ZNF69: variants seen among roughly 807,000 people sequenced by gnomAD.
ZNF69 encodes ZNF3.
Under a neutral mutation model 50.9 loss-of-function variants are expected in ZNF69, and 47 were observed. The ratio of observed to expected loss-of-function variants is 0.92; its 90% CI spans 0.73 to 1.18. ZNF69 has a LOEUF of 1.18. ZNF69 is among the 50% of genes most tolerant of loss of function. The pLI is 0.00. For synonymous variants in ZNF69, 216 were observed against 223.1 expected, an observed-to-expected ratio of 0.97 and a Z score of 0.29; for missense variants, 717 against 675.1, an observed-to-expected ratio of 1.06 and a Z score of -0.69.
the ZNF69 span, among the ~76,000 whole-genome samples, chr19:11,931,684 A>T: frequency 2.0e-5 from 3 of 147,990 alleles, no homozygotes; most frequent in African/African-American, 7.9e-5. Context: ...CATCATAGTG[A>T]TACTTAATCT....
chr19:11,954,155 C>T, the ZNF69 span, among the ~76,000 whole-genome samples: 1 of 151,828 alleles, frequency 6.6e-6, no homozygotes, highest in South Asian at 2.1e-4. Flanking sequence ...GAATGAAGAC[C>T]CACCCAACAA....
the ZNF69 span, chr19:11,979,436 A>G: frequency 4.4e-6 from 7 of 1,607,342 alleles, no homozygotes; most frequent in Non-Finnish European, 5.1e-6. Context: ...ACACATAAGA[A>G]TACACTCTGG....
At chr19:11,970,196 A>G in the ZNF69 span, among the ~76,000 whole-genome samples, 1 of 152,246 alleles carries the variant, frequency 6.6e-6, no homozygotes, top group African/African-American at 2.4e-5. Flanking sequence ...GAGGAAAAAC[A>G]GAGATGATTC....
At chr19:11,944,920 C>T in the ZNF69 span, among the ~76,000 whole-genome samples, 1 of 152,218 alleles carries the variant, frequency 6.6e-6, no homozygotes, top group Non-Finnish European at 1.5e-5. Context: ...TGGCTCCCAG[C>T]AGCTGTGGCA....
At chr19:11,934,524 T>G in the ZNF69 span, among the ~76,000 whole-genome samples, 1 of 147,510 alleles carries the variant, frequency 6.8e-6, no homozygotes, top group Non-Finnish European at 1.5e-5. Flanking sequence ...TTTTTCTTTG[T>G]TTGTTTGTTT....
At chr19:11,932,592 G>A in the ZNF69 span, among the ~76,000 whole-genome samples, 2 of 145,024 alleles carry the variant, frequency 1.4e-5, 1 homozygote, top group Non-Finnish European at 3.0e-5. Flanking sequence ...ATCCACATCA[G>A]TATATTTTAT....
intron 3 of ZNF69, 96 bp from the exon 4 acceptor site, chr19:11,904,553 G>C: frequency 1.4e-6 from 2 of 1,479,262 alleles, no homozygotes; most frequent in Non-Finnish European, 1.8e-6. Flanking sequence ...CCTACACTTT[G>C]ATGGACAGTG....
At chr19:11,937,740 A>G in the ZNF69 span, among the ~76,000 whole-genome samples, 3 of 152,058 alleles carry the variant, frequency 2.0e-5, no homozygotes, top group African/African-American at 7.2e-5. Context: ...TGCCTGCCTC[A>G]GCCTCCCAAG....
At chr19:11,958,094 T>C in the ZNF69 span, among the ~76,000 whole-genome samples, 1 of 152,174 alleles carries the variant, frequency 6.6e-6, no homozygotes, top group East Asian at 1.9e-4. Flanking sequence ...GGATGGGGGA[T>C]TTCATGAATC....
the ZNF69 span, among the ~76,000 whole-genome samples, chr19:11,946,531 A>G: frequency 6.6e-6 from 1 of 152,260 alleles, no homozygotes; most frequent in East Asian, 1.9e-4. Flanking sequence ...TGGGGGGTCT[A>G]AAACCAGCTG....
intron 1 of ZNF69, among the ~76,000 whole-genome samples, chr19:11,892,866 A>T (rs894305810): frequency 6.6e-5 from 10 of 151,670 alleles, no homozygotes; most frequent in Middle Eastern, 3.2e-3. Context: ...TTTTGAGACA[A>T]CTCTGTGGCC....
At chr19:11,974,155 TTTCCTTCCTTCCTTCCTTCC>T in the ZNF69 span, among the ~76,000 whole-genome samples, 3 of 115,732 alleles carry the variant, frequency 2.6e-5, no homozygotes, top group African/African-American at 4.8e-5. Context: ...TCTTTCTTTC[TTTCCTTCCTTCCTTCCTTCC>T]TTCTTTCTTT....
chr19:11,901,298 T>C (rs1410575207), intron 1 of ZNF69, among the ~76,000 whole-genome samples: 1 of 152,226 alleles, frequency 6.6e-6, no homozygotes, highest in Admixed American at 6.5e-5. Context: ...CATCAGGAGA[T>C]ATTAACTTAT....
chr19:11,925,878 G>A, the ZNF69 span, among the ~76,000 whole-genome samples: 1 of 152,214 alleles, frequency 6.6e-6, no homozygotes, highest in Non-Finnish European at 1.5e-5. Flanking sequence ...TCCCGAGGCG[G>A]CTCAAGACAG....
the ZNF69 span, chr19:11,947,305 T>C: frequency 6.2e-7 from 1 of 1,613,724 alleles, no homozygotes; most frequent in East Asian, 2.2e-5. Flanking sequence ...CTGACCTCTA[T>C]AGGTAAGGAT....
the ZNF69 span, among the ~76,000 whole-genome samples, chr19:11,928,710 C>T: frequency 3.7e-3 from 470 of 128,480 alleles, 20 homozygotes; most frequent in African/African-American, 0.015. Context: ...CCAGCCTGGG[C>T]GACAGAGCGA....
chr19:11,962,307 A>C, the ZNF69 span, among the ~76,000 whole-genome samples: 1 of 152,206 alleles, frequency 6.6e-6, no homozygotes, highest in Non-Finnish European at 1.5e-5. Flanking sequence ...TAGTGAGAGA[A>C]AGATTCTTTC....
At chr19:11,929,608 C>T in the ZNF69 span, among the ~76,000 whole-genome samples, 1 of 148,200 alleles carries the variant, frequency 6.7e-6, no homozygotes, top group Non-Finnish European at 1.5e-5. Context: ...AATTCGATTT[C>T]AGGGTCCTTA....
the ZNF69 span, among the ~76,000 whole-genome samples, chr19:11,960,586 G>A: frequency 2.0e-5 from 3 of 149,580 alleles, no homozygotes; most frequent in African/African-American, 5.1e-5. Context: ...GATCCACCAC[G>A]CTCAGCAATG....
Sources: allele counts gnomAD v4.1 joint callset (sites outside exome capture counted in the v4.1 genomes callset), GRCh38; gene constraint gnomAD v4.1.1; transcripts MANE v1.5; gene names NCBI Gene and HGNC (gene_info 2026-07-23, HGNC 2026-07-21).